SCAPER: variants seen among roughly 807,000 people sequenced by gnomAD.
SCAPER encodes S-phase cyclin A associated protein in the ER.
A neutral mutation model predicts 182.2 loss-of-function variants in SCAPER; 98 were observed. That is an observed-to-expected ratio of 0.54 (90% CI 0.46 to 0.64). The LOEUF (loss-of-function observed/expected upper bound fraction) is 0.64. Ranked by LOEUF, SCAPER falls within the 30% of genes least tolerant of loss-of-function variation. The pLI, the probability that SCAPER is intolerant of heterozygous loss-of-function variation, is 0.00. For missense variants in SCAPER, 1,432 were observed against 1,690.0 expected (o/e 0.85, Z 2.68); for synonymous variants, 605 against 564.6 (o/e 1.07, Z -1.01).
In SCAPER at chr15:76,479,407, C is replaced by T. The variant is rs1448281503; in HGVS notation, c.2955-8072G>A. 3.3e-5 allele frequency among the ~76,000 whole-genome samples: 5 copies of T among 152,118 alleles called. No individual in the cohort carries two copies. In the East Asian group the frequency reaches 9.6e-4, roughly 29 times the overall value. ...ATTTTCAAAGTATCTTTTGAGAAGA[C>T]ATTAAAAACTTATTGTCCATCCTGT... On this transcript the variant is annotated intron_variant, in intron 24 of 31. Transcript: ENST00000563290.
intron 21 of SCAPER, among the ~76,000 whole-genome samples, chr15:76,652,037 A>T (rs2055093343): frequency 6.6e-6 from 1 of 150,992 alleles, no homozygotes; most frequent in Non-Finnish European, 1.5e-5. Flanking sequence ...TAACCATCTA[A>T]ATAGATGCAG....
intron 1 of SCAPER, among the ~76,000 whole-genome samples, chr15:76,893,275 T>C (rs1395461084): frequency 6.6e-6 from 1 of 152,140 alleles, no homozygotes; most frequent in East Asian, 1.9e-4. Context: ...TGTATACCTG[T>C]GTAACAAATC....
intron 21 of SCAPER, among the ~76,000 whole-genome samples, chr15:76,640,257 A>T (rs1419879958): frequency 6.6e-6 from 1 of 152,216 alleles, no homozygotes; most frequent in Non-Finnish European, 1.5e-5. Context: ...TCTGAGACAA[A>T]CTGTTATATG....
At chr15:76,538,587 G>A (rs2044422471) in intron 23 of SCAPER, among the ~76,000 whole-genome samples, 1 of 152,062 alleles carries the variant, frequency 6.6e-6, no homozygotes. Flanking sequence ...AGAGGGGAGG[G>A]ATAGCATTAG....
intron 5 of SCAPER, among the ~76,000 whole-genome samples, chr15:76,833,777 T>C (rs2068708753): frequency 6.6e-6 from 1 of 152,108 alleles, no homozygotes; most frequent in Non-Finnish European, 1.5e-5. Context: ...GTATTACATA[T>C]TGATAAAGGG....
chr15:76,585,003 G>A (rs2048532068), intron 22 of SCAPER, among the ~76,000 whole-genome samples: 1 of 152,174 alleles, frequency 6.6e-6, no homozygotes, highest in African/African-American at 2.4e-5. Context: ...TTAAGCCTCA[G>A]CTATTTACAT....
intron 29 of SCAPER, among the ~76,000 whole-genome samples, chr15:76,357,152 A>T (rs1183437282): frequency 7.1e-6 from 1 of 140,054 alleles, no homozygotes; most frequent in African/African-American, 3.0e-5. Context: ...TATTGACATC[A>T]CACACACACA....
intron 5 of SCAPER, among the ~76,000 whole-genome samples, chr15:76,833,448 C>T (rs1047594131): frequency 9.9e-5 from 15 of 152,086 alleles, no homozygotes; most frequent in African/African-American, 3.6e-4. Flanking sequence ...AGCAACTATA[C>T]AATCAAGTCG....
intron 23 of SCAPER, among the ~76,000 whole-genome samples, chr15:76,565,584 G>A (rs551721068): frequency 9.2e-5 from 14 of 152,206 alleles, no homozygotes; most frequent in East Asian, 5.8e-4. Flanking sequence ...GTTTGATGAC[G>A]TCTGACTACT....
At chr15:76,764,919 C>G (rs1181505354) in intron 14 of SCAPER, 42 bp downstream of exon 14, 1 of 1,188,200 alleles carries the variant, frequency 8.4e-7, no homozygotes, top group African/African-American at 1.5e-5. Context: ...ATAAGCCCAG[C>G]AACTTCAGAC....
chr15:76,869,315 A>T (rs1434466065), intron 2 of SCAPER, among the ~76,000 whole-genome samples: 1 of 152,128 alleles, frequency 6.6e-6, no homozygotes, highest in Non-Finnish European at 1.5e-5. Context: ...GAAATAATCA[A>T]CAAAGAGACA....
chr15:76,747,694 T>A (rs982355239), intron 15 of SCAPER, among the ~76,000 whole-genome samples: 3 of 151,678 alleles, frequency 2.0e-5, no homozygotes, highest in African/African-American at 7.3e-5. Flanking sequence ...TTTCCAAGAG[T>A]GTGGTACCTC....
intron 11 of SCAPER, among the ~76,000 whole-genome samples, chr15:76,766,400 T>C (rs1239172102): frequency 6.6e-6 from 1 of 152,190 alleles, no homozygotes; most frequent in Non-Finnish European, 1.5e-5. Context: ...CAGCCTACTT[T>C]TTGTTAATAG....
At chr15:76,789,834 A>G (rs1376205900) in intron 8 of SCAPER, among the ~76,000 whole-genome samples, 1 of 152,238 alleles carries the variant, frequency 6.6e-6, no homozygotes, top group Non-Finnish European at 1.5e-5. Flanking sequence ...ATTCAAGTCA[A>G]TATAACCAGT....
chr15:76,702,842 C>G lies in SCAPER; in HGVS notation c.2400+8G>C. 1 of 1,592,548 alleles carries G rather than the reference C, an allele frequency of 6.3e-7. No individual in the cohort carries two copies. Among genetic ancestry groups the G allele is most frequent in the Non-Finnish European group, 8.5e-7 (1 of 1,174,404 alleles). On this transcript the variant is annotated splice_region_variant and intron_variant, in intron 19 of 31. Transcript: ENST00000563290. ...CTATATCATTACAATATTGATATAACAACCTACCAGGACATTGCAGAGAGA... is the reference window on the plus strand; with the variant it reads ...CTATATCATTACAATATTGATATAAGAACCTACCAGGACATTGCAGAGAGA...
intron 4 of SCAPER, among the ~76,000 whole-genome samples, chr15:76,857,360 G>A (rs1305055878): frequency 6.6e-6 from 1 of 151,120 alleles, no homozygotes. Context: ...TTGAACCCAA[G>A]AGGAAGAGGG....
intron 23 of SCAPER, among the ~76,000 whole-genome samples, chr15:76,540,367 C>CT (rs1462557130): frequency 5.3e-5 from 8 of 151,838 alleles, no homozygotes; most frequent in Non-Finnish European, 1.5e-5. Flanking sequence ...TGCCACTGTG[C>CT]TCCAGCCTGG....
chr15:76,708,847 C>T (rs1260980084), intron 17 of SCAPER, among the ~76,000 whole-genome samples: 1 of 152,130 alleles, frequency 6.6e-6, no homozygotes, highest in Non-Finnish European at 1.5e-5. Flanking sequence ...AGGCAGATCA[C>T]TTGAGGTCAG....
At chr15:76,390,047 C>T (rs192488151) in intron 27 of SCAPER, among the ~76,000 whole-genome samples, 26 of 152,044 alleles carry the variant, frequency 1.7e-4, no homozygotes, top group Middle Eastern at 3.4e-3. Flanking sequence ...ACCTTGAACT[C>T]GTAGGCTCAA....
Sources: gnomAD v4.1 joint callset for allele counts (sites outside exome capture counted in the v4.1 genomes callset) on GRCh38, gnomAD v4.1.1 for gene constraint, MANE v1.5 for transcripts, NCBI Gene and HGNC (gene_info 2026-07-23, HGNC 2026-07-21) for gene names.